BLTP1: variants seen among roughly 807,000 people sequenced by gnomAD.
BLTP1 encodes bridge-like lipid transfer protein family member 1, also known as fragile site-associated protein.
the BLTP1 span, chr4:122,276,705 T>C: frequency 9.6e-4 from 863 of 902,110 alleles, 2 homozygotes; most frequent in Non-Finnish European, 1.1e-3. Context: ...CCTACCTTCA[T>C]GCTGACTAGG....
the BLTP1 span, chr4:122,362,464 T>C: frequency 5.3e-6 from 2 of 376,416 alleles, no homozygotes; most frequent in African/African-American, 4.2e-5. Context: ...GATTAAAATA[T>C]ATAACTGCTT....
chr4:122,337,301 A>T, the BLTP1 span, among the ~76,000 whole-genome samples: 1 of 152,172 alleles, frequency 6.6e-6, no homozygotes. Context: ...CTTACTGAAC[A>T]TCATAGCTTA....
At chr4:122,347,679 G>A in the BLTP1 span, 1 of 1,613,802 alleles carries the variant, frequency 6.2e-7, no homozygotes, top group South Asian at 1.1e-5. Context: ...ATGAGCATAT[G>A]ACAAACAGCA....
At chr4:122,296,823 G>C in the BLTP1 span, among the ~76,000 whole-genome samples, 365 of 152,194 alleles carry the variant, frequency 2.4e-3, 2 homozygotes, top group Non-Finnish European at 3.3e-3. Context: ...GGGGAAAAAG[G>C]GTTCCCTGTT....
the BLTP1 span, among the ~76,000 whole-genome samples, chr4:122,335,749 A>G: frequency 6.6e-6 from 1 of 152,134 alleles, no homozygotes; most frequent in African/African-American, 2.4e-5. Context: ...CCTGAAGCAG[A>G]TATATTTAGT....
At chr4:122,186,074 G>T in the BLTP1 span, 1 of 1,604,218 alleles carries the variant, frequency 6.2e-7, no homozygotes, top group South Asian at 1.1e-5. Flanking sequence ...CACAGTCAAT[G>T]ACTTTGAATT....
the BLTP1 span, among the ~76,000 whole-genome samples, chr4:122,166,418 G>A: frequency 5.9e-5 from 9 of 152,188 alleles, no homozygotes; most frequent in Middle Eastern, 3.4e-3. Context: ...GCTCTGTTCC[G>A]TTCCATTGGT....
chr4:122,267,765 A>G, the BLTP1 span: 1 of 225,318 alleles, frequency 4.4e-6, no homozygotes, highest in African/African-American at 2.3e-5. Flanking sequence ...TTAATAGGAA[A>G]TAATATACCC....
At chr4:122,194,011 C>T in the BLTP1 span, among the ~76,000 whole-genome samples, 3 of 151,876 alleles carry the variant, frequency 2.0e-5, no homozygotes, top group African/African-American at 7.3e-5. Flanking sequence ...TACAGGCGCC[C>T]GCCACTACGC....
the BLTP1 span, chr4:122,343,515 G>A: frequency 6.2e-7 from 1 of 1,614,032 alleles, no homozygotes; most frequent in Non-Finnish European, 8.5e-7. Context: ...TTCACTGCAT[G>A]CATGTCTGAC....
At chr4:122,359,761 GATT>G in the BLTP1 span, 4 of 1,543,158 alleles carry the variant, frequency 2.6e-6, no homozygotes, top group Non-Finnish European at 2.6e-6. Flanking sequence ...TATGCTAAGG[GATT>G]ACTATGAGCA....
chr4:122,352,758 C>A, the BLTP1 span: 1 of 886,744 alleles, frequency 1.1e-6, no homozygotes, highest in Non-Finnish European at 1.7e-6. Flanking sequence ...TCTTTATTAG[C>A]TATTGCTTAA....
the BLTP1 span, chr4:122,349,732 AC>A: frequency 2.0e-6 from 3 of 1,533,870 alleles, no homozygotes; most frequent in Middle Eastern, 2.3e-4. The surrounding 1 kb of genome is among the most constrained non-coding windows in gnomAD (Gnocchi z 4.5). Flanking sequence ...AATTTTTCTT[AC>A]AAAACTCTTA....
the BLTP1 span, chr4:122,172,146 A>G: frequency 3.3e-6 from 1 of 302,494 alleles, no homozygotes. Context: ...CATCAATCTA[A>G]GCTGCCCTGG....
the BLTP1 span, among the ~76,000 whole-genome samples, chr4:122,210,376 T>C: frequency 6.6e-6 from 1 of 152,178 alleles, no homozygotes; most frequent in African/African-American, 2.4e-5. Flanking sequence ...TATAGTTTCC[T>C]GAAGGTAATT....
At chr4:122,352,922 A>T in the BLTP1 span, 2 of 1,613,986 alleles carry the variant, frequency 1.2e-6, no homozygotes, top group Non-Finnish European at 1.7e-6. Flanking sequence ...GCAGCACATC[A>T]TCGACACTGG....
the BLTP1 span, among the ~76,000 whole-genome samples, chr4:122,282,792 A>G: frequency 6.6e-6 from 1 of 152,320 alleles, no homozygotes; most frequent in Admixed American, 6.5e-5. Context: ...AACTTTGTTT[A>G]TATGGAATCT....
the BLTP1 span, chr4:122,194,467 A>G: frequency 2.6e-5 from 20 of 771,376 alleles, no homozygotes; most frequent in East Asian, 3.8e-4. Context: ...AAATTTTCCT[A>G]TAAGTCATGC....
the BLTP1 span, chr4:122,185,434 ATTTCC>A: frequency 3.0e-6 from 3 of 985,186 alleles, no homozygotes; most frequent in Non-Finnish European, 3.6e-6. Flanking sequence ...GTTTTAGATT[ATTTCC>A]TTAGTAGAAA....
Sources: gnomAD v4.1 joint callset for allele counts (sites outside exome capture counted in the v4.1 genomes callset) on GRCh38, gnomAD v4.1.1 for gene constraint, Gnocchi (gnomAD v3.1) non-coding constraint, MANE v1.5 for transcripts, NCBI Gene and HGNC (gene_info 2026-07-23, HGNC 2026-07-21) for gene names.